KRCC1: variants seen among roughly 807,000 people sequenced by gnomAD.
KRCC1 encodes the protein lysine rich coiled-coil 1.
Under a neutral mutation model 7.4 loss-of-function variants are expected in KRCC1, and 3 were observed. The observed-to-expected ratio is 0.40, with a 90% confidence interval of 0.18 to 1.04. The LOEUF is 1.04. Among genes scored for constraint, KRCC1 ranks in the 50% least tolerant of loss-of-function variants. KRCC1 has a pLI of 0.33. For synonymous variants in KRCC1, 102 were observed against 101.6 expected (o/e 1.00, Z -0.02); for missense variants, 277 against 300.9 (o/e 0.92, Z 0.59).
intron 1 of KRCC1, among the ~76,000 whole-genome samples, chr2:88,050,908 A>G (rs540209573): frequency 1.3e-4 from 17 of 134,832 alleles, no homozygotes; most frequent in African/African-American, 3.0e-4. Context: ...TATGCCTTCT[A>G]TATCTTCCTT....
At chr2:88,042,666 C>T (rs80155668) in intron 1 of KRCC1, among the ~76,000 whole-genome samples, 4,658 of 152,256 alleles carry the variant, frequency 0.031, 313 homozygotes, top group East Asian at 0.21. Context: ...AGCGATCCTC[C>T]TCCCTTGGTC....
chr2:88,048,719 G>A (rs535289952), intron 1 of KRCC1, among the ~76,000 whole-genome samples: 2 of 152,274 alleles, frequency 1.3e-5, no homozygotes, highest in African/African-American at 4.8e-5. Context: ...GTACAATAAT[G>A]AATAGAAGCG....
chr2:88,048,590 G>C (rs1220759776), intron 1 of KRCC1, among the ~76,000 whole-genome samples: 3 of 152,092 alleles, frequency 2.0e-5, no homozygotes, highest in Non-Finnish European at 2.9e-5. Context: ...CCTTTTCCTA[G>C]ATTCTATGGG....
chr2:88,047,511 C>T (rs1210007480), intron 1 of KRCC1, among the ~76,000 whole-genome samples: 2 of 152,162 alleles, frequency 1.3e-5, no homozygotes, highest in Non-Finnish European at 2.9e-5. Flanking sequence ...GTGATAATGG[C>T]ATTTAATCAT....
intron 1 of KRCC1, among the ~76,000 whole-genome samples, chr2:88,049,539 T>C (rs1415414327): frequency 6.6e-6 from 1 of 152,120 alleles, no homozygotes; most frequent in Non-Finnish European, 1.5e-5. Context: ...TCCCACCTAC[T>C]TAGGAGGCTG....
intron 1 of KRCC1, among the ~76,000 whole-genome samples, chr2:88,052,598 C>A (rs534038984): frequency 6.6e-6 from 1 of 152,152 alleles, no homozygotes; most frequent in South Asian, 2.1e-4. Flanking sequence ...TAGTGAGTGA[C>A]CCATTATAGT....
intron 3 of KRCC1, 114 bp from the exon 4 acceptor site, chr2:88,028,699 G>C (rs1672933863): frequency 1.5e-6 from 1 of 649,378 alleles, no homozygotes; most frequent in Non-Finnish European, 2.4e-6. Context: ...GCCCAGACTA[G>C]AGTGCAGTGG....
intron 1 of KRCC1, among the ~76,000 whole-genome samples, chr2:88,039,167 C>T (rs1347178518): frequency 1.3e-5 from 2 of 152,018 alleles, no homozygotes; most frequent in Non-Finnish European, 2.9e-5. Flanking sequence ...TAGGGTCAAA[C>T]ATTTAACATA....
At chr2:88,028,707 TGG>T in intron 3 of KRCC1, 122 bp from the exon 4 acceptor site, 1 of 643,482 alleles carries the variant, frequency 1.6e-6, no homozygotes, top group South Asian at 2.1e-5. Context: ...TAGAGTGCAG[TGG>T]GGTTGCTCTT....
intron 1 of KRCC1, among the ~76,000 whole-genome samples, chr2:88,052,936 T>A (rs912601921): frequency 5.9e-5 from 9 of 152,230 alleles, no homozygotes; most frequent in African/African-American, 2.2e-4. Flanking sequence ...TTTCCCACAT[T>A]TATTATTTTC....
At chr2:88,034,577 A>T (rs1390961074) in intron 2 of KRCC1, among the ~76,000 whole-genome samples, 1 of 152,182 alleles carries the variant, frequency 6.6e-6, no homozygotes, top group African/African-American at 2.4e-5. Flanking sequence ...GGAATAATCA[A>T]ATTTGGTGAA....
At chr2:88,048,185 C>A (rs902388108) in intron 1 of KRCC1, among the ~76,000 whole-genome samples, 1 of 151,190 alleles carries the variant, frequency 6.6e-6, no homozygotes, top group African/African-American at 2.4e-5. Context: ...TGGGTTCAAG[C>A]AATTCTCCTG....
intron 1 of KRCC1, among the ~76,000 whole-genome samples, chr2:88,055,343 C>A (rs1673595320): frequency 6.6e-6 from 1 of 152,112 alleles, no homozygotes; most frequent in Non-Finnish European, 1.5e-5. Flanking sequence ...TAGATTTCCT[C>A]CGGGTCTAGA....
chr2:88,050,502 A>C (rs1001301155), intron 1 of KRCC1, among the ~76,000 whole-genome samples: 1 of 152,212 alleles, frequency 6.6e-6, no homozygotes, highest in Non-Finnish European at 1.5e-5. Flanking sequence ...GCATGCCTGT[A>C]ATCCCAGCTA....
chr2:88,041,768 T>C (rs1673215941), intron 1 of KRCC1, among the ~76,000 whole-genome samples: 1 of 152,234 alleles, frequency 6.6e-6, no homozygotes, highest in Non-Finnish European at 1.5e-5. Context: ...TGCAGCATTA[T>C]ATAGTTTGAA....
At chr2:88,041,451 C>G (rs926127804) in intron 1 of KRCC1, among the ~76,000 whole-genome samples, 1 of 152,188 alleles carries the variant, frequency 6.6e-6, no homozygotes, top group African/African-American at 2.4e-5. Flanking sequence ...TGTATAGTAT[C>G]TTGCACATCT....
In KRCC1 at chr2:88,044,813, T is replaced by C. The variant is rs556360809; in HGVS notation, c.-290-7762A>G. 3.3e-5 allele frequency among the ~76,000 whole-genome samples: 5 copies of C among 152,122 alleles called. No homozygotes were observed. In the East Asian group the frequency reaches 9.7e-4, roughly 29 times the overall value. ...TTAAATAACTAGAACTCCCATACAT[T>C]GCTGGCTAAAATGTCAAATGGTACA... On this transcript the variant is annotated intron_variant, in intron 1 of 3. Coordinates refer to ENST00000347055, the MANE Select transcript of KRCC1 (RefSeq NM_016618.3).
At chr2:88,052,285 A>T (rs757017916) in intron 1 of KRCC1, among the ~76,000 whole-genome samples, 67 of 152,230 alleles carry the variant, frequency 4.4e-4, no homozygotes, top group Non-Finnish European at 9.1e-4. Context: ...CCAATACTGG[A>T]AGTGTAAACT....
rs760510648 is a variant in KRCC1 at position 88,027,798 on chromosome 2, T to C, written c.766A>G (p.Ile256Val). ...TEEEMLWDQS[I>V]LGF ...CTTTGAAAGCTTCAAAATCCAAGAA[T>C]AGACTGGTCCCAAAGCATTTCCTCC... The change falls in exon 4 of 4, where the codon ATT becomes GTT. Residue 256 changes from isoleucine (I) to valine (V), a missense_variant. Coordinates refer to ENST00000347055, the MANE Select transcript of KRCC1 (RefSeq NM_016618.3). The C allele has an allele frequency of 5.7e-6, 9 of 1,583,742 alleles. No individual in the cohort carries two copies. The highest frequency in any genetic ancestry group is 7.7e-6 in the Non-Finnish European group (9 of 1,171,516).
Sources: allele counts gnomAD v4.1 joint callset (sites outside exome capture counted in the v4.1 genomes callset), GRCh38; gene constraint gnomAD v4.1.1; transcripts MANE v1.5; gene names NCBI Gene and HGNC (gene_info 2026-07-23, HGNC 2026-07-21).